Variants in MYCBP2 observed in about 807,000 individuals in gnomAD.
MYCBP2 encodes E3 ubiquitin-protein ligase MYCBP2.
A neutral mutation model predicts 525.3 loss-of-function variants in MYCBP2; 120 were observed. The observed-to-expected ratio is 0.23, with a 90% CI of 0.20 to 0.27. The LOEUF is 0.27. MYCBP2 is among the 10% of genes least tolerant of loss of function. The pLI is 1.00. For missense variants in MYCBP2, 4,149 were observed against 5,657.1 expected (o/e 0.73, Z 8.55); for synonymous variants, 1,894 against 1,955.8 (o/e 0.97, Z 0.83).
At chr13:77,236,746 T>C (rs745848495) in intron 17 of MYCBP2, among the ~76,000 whole-genome samples, 2 of 151,956 alleles carry the variant, frequency 1.3e-5, no homozygotes, top group Non-Finnish European at 2.9e-5. Context: ...AAAGAATAAC[T>C]AAACCCAGGT....
chr13:77,104,895 T>G (rs1170408139), intron 55 of MYCBP2, among the ~76,000 whole-genome samples: 1 of 152,096 alleles, frequency 6.6e-6, no homozygotes. Context: ...AGTTAAATTT[T>G]TAATATTTTT....
intron 1 of MYCBP2, among the ~76,000 whole-genome samples, chr13:77,302,952 A>G (rs2078958560): frequency 6.6e-6 from 1 of 152,252 alleles, no homozygotes; most frequent in Non-Finnish European, 1.5e-5. Flanking sequence ...ATACAAATCC[A>G]CAATTGAAAG....
intron 26 of MYCBP2, among the ~76,000 whole-genome samples, chr13:77,203,753 C>G (rs1432529449): frequency 6.6e-6 from 1 of 152,112 alleles, no homozygotes; most frequent in South Asian, 2.1e-4. Flanking sequence ...ATATCTACAA[C>G]TATCTGATCT....
chr13:77,146,062 G>C, intron 48 of MYCBP2, 100 bp downstream of exon 48: 1 of 719,560 alleles, frequency 1.4e-6, no homozygotes, highest in Non-Finnish European at 2.3e-6. Flanking sequence ...ATGCTATAAA[G>C]TATTTATTTA....
At chr13:77,298,172 C>A (rs1276631031) in intron 1 of MYCBP2, among the ~76,000 whole-genome samples, 1 of 152,188 alleles carries the variant, frequency 6.6e-6, no homozygotes, top group Admixed American at 6.5e-5. Context: ...GAAGGATATT[C>A]TTTCAGTTGT....
At chr13:77,127,653 T>C (rs1175488297) in intron 52 of MYCBP2, among the ~76,000 whole-genome samples, 4 of 151,996 alleles carry the variant, frequency 2.6e-5, no homozygotes, top group Non-Finnish European at 5.9e-5. Flanking sequence ...ACTAACATTA[T>C]GCAAGATAGA....
At chr13:77,269,966 T>C (rs1242309572) in intron 7 of MYCBP2, 26 bp downstream of exon 7, 1 of 1,547,944 alleles carries the variant, frequency 6.5e-7, no homozygotes, top group Non-Finnish European at 8.8e-7. Flanking sequence ...TAAGAAAATT[T>C]TGGTTTATTG....
chr13:77,213,753 G>A (rs773890638), intron 21 of MYCBP2, among the ~76,000 whole-genome samples: 2 of 152,216 alleles, frequency 1.3e-5, no homozygotes, highest in Non-Finnish European at 2.9e-5. Context: ...ATGACTGTCT[G>A]ACGTCAAATC....
chr13:77,107,848 T>C (rs2048089725), intron 55 of MYCBP2, among the ~76,000 whole-genome samples: 1 of 152,174 alleles, frequency 6.6e-6, no homozygotes, highest in Admixed American at 6.6e-5. Flanking sequence ...AGATGCAGTA[T>C]CACTGCATAA....
intron 1 of MYCBP2, among the ~76,000 whole-genome samples, chr13:77,312,101 G>T (rs2080318674): frequency 6.6e-6 from 1 of 152,062 alleles, no homozygotes; most frequent in African/African-American, 2.4e-5. Flanking sequence ...CATCATTGAG[G>T]TGCTCAAGGA....
At chr13:77,319,822 A>G (rs1367346682) in intron 1 of MYCBP2, among the ~76,000 whole-genome samples, 3 of 152,220 alleles carry the variant, frequency 2.0e-5, no homozygotes, top group Non-Finnish European at 4.4e-5. Context: ...CAGCCAGCCA[A>G]TAATCCAGCT....
intron 79 of MYCBP2, 27 bp from the exon 80 acceptor site, chr13:77,055,794 G>GC (rs747508034): frequency 3.9e-5 from 60 of 1,538,928 alleles, no homozygotes; most frequent in Non-Finnish European, 5.3e-5. Context: ...ACACTCTTTA[G>GC]CAGAATCATT....
At position 77,185,349 on chromosome 13, in the gene MYCBP2, A is replaced by G; in HGVS notation, c.4473T>C (p.Thr1491=). ...SATGKAVVEE[T]SKLAECIGKT... ...TTCCAATACACTCTGCTAATTTGCT[A>G]GTTTCTTCTACAACTGCTTTTCCTG... The change falls in exon 32 of 83, where the codon ACT becomes ACC. Residue 1491 remains threonine (T), a synonymous_variant. Transcript: ENST00000544440. The G allele has an allele frequency of 6.2e-7, 1 of 1,613,266 alleles. No individual in the cohort carries two copies. The highest frequency in any genetic ancestry group is 8.5e-7 in the Non-Finnish European group (1 of 1,179,458).
chr13:77,068,858 A>G, intron 69 of MYCBP2, 27 bp from the exon 70 acceptor site: 1 of 1,605,510 alleles, frequency 6.2e-7, no homozygotes, highest in Non-Finnish European at 8.5e-7. Flanking sequence ...CAGAACATGT[A>G]AAAATATAGG....
intron 1 of MYCBP2, among the ~76,000 whole-genome samples, chr13:77,306,103 A>T (rs1207180307): frequency 6.6e-6 from 1 of 152,206 alleles, no homozygotes; most frequent in Non-Finnish European, 1.5e-5. Context: ...TTTTATTTGT[A>T]GATAATTATA....
rs568228884 is a variant in MYCBP2 at position 77,263,631 on chromosome 13, C to G, written c.1570+20G>C. The G allele has an allele frequency of 1.7e-5, 27 of 1,597,172 alleles. No homozygotes were observed. The highest frequency in any genetic ancestry group is 2.2e-5 in the Non-Finnish European group (26 of 1,170,306). ...ATTGAAAATTAAAATATAGGGAAAACACTTAATTTGCTATCTTACTTATAA... is the reference window on the plus strand; with the variant it reads ...ATTGAAAATTAAAATATAGGGAAAAGACTTAATTTGCTATCTTACTTATAA... On this transcript the variant is annotated intron_variant, in intron 10 of 82. Transcript: ENST00000544440.
At chr13:77,110,470 T>C (rs544587616) in intron 55 of MYCBP2, among the ~76,000 whole-genome samples, 13 of 152,298 alleles carry the variant, frequency 8.5e-5, no homozygotes, top group South Asian at 2.1e-4. Flanking sequence ...CAGCTGAACA[T>C]AGACCCTCAT....
chr13:77,084,101 T>C (rs1228421397), intron 62 of MYCBP2, among the ~76,000 whole-genome samples: 2 of 152,224 alleles, frequency 1.3e-5, no homozygotes, highest in Admixed American at 6.5e-5. Context: ...ATTTAGGTTG[T>C]TTCCAATCTT....
In MYCBP2 at chr13:77,112,822, A is replaced by C. The variant is rs369449185; in HGVS notation, c.8140+8551T>G. On this transcript the variant is annotated intron_variant, in intron 55 of 82. Transcript: ENST00000544440. Reference sequence around the variant, plus strand: ...TATTAATATTTCTTTCAACTGAATTACTCTCATTAGAAAACAACCTTGATA... The same window carrying C: ...TATTAATATTTCTTTCAACTGAATTCCTCTCATTAGAAAACAACCTTGATA... Among the ~76,000 whole-genome samples, 8 of 152,112 alleles carry C rather than the reference A, an allele frequency of 5.3e-5. No homozygotes were observed. The East Asian group carries it at 1.2e-3, about 22-fold the overall frequency.
Sources: allele counts gnomAD v4.1 joint callset (sites outside exome capture counted in the v4.1 genomes callset), GRCh38; gene constraint gnomAD v4.1.1; transcripts MANE v1.5; gene names NCBI Gene and HGNC (gene_info 2026-07-23, HGNC 2026-07-21).